CSGALNACT1: variants seen among roughly 807,000 people sequenced by gnomAD.
CSGALNACT1 encodes chondroitin sulfate N-acetylgalactosaminyltransferase 1.
A neutral mutation model predicts 51.0 loss-of-function variants in CSGALNACT1; 52 were observed. That is an observed-to-expected ratio of 1.02 (90% confidence interval 0.82 to 1.29). The LOEUF (loss-of-function observed/expected upper bound fraction) is 1.29, where lower values mean the gene tolerates loss of function less well. Ranked by LOEUF, CSGALNACT1 falls within the 50% of genes most tolerant of loss-of-function variation. The probability of loss-of-function intolerance (pLI) is 0.00; values close to 1 mark genes in which losing one functional copy is unlikely to be tolerated. For synonymous variants in CSGALNACT1, 341 were observed against 254.4 expected (o/e 1.34, Z -3.24); for missense variants, 935 against 679.2 (o/e 1.38, Z -4.19).
chr8:19,564,515 A>G (rs1447459302), intron 3 of CSGALNACT1, among the ~76,000 whole-genome samples: 1 of 152,008 alleles, frequency 6.6e-6, no homozygotes, highest in Non-Finnish European at 1.5e-5. Context: ...TTCCCACCAC[A>G]GGTTCCTCAG....
chr8:19,494,619 G>GT (rs2153971422), intron 4 of CSGALNACT1, among the ~76,000 whole-genome samples: 1 of 152,232 alleles, frequency 6.6e-6, no homozygotes, highest in African/African-American at 2.4e-5. Context: ...CAATCTCGAA[G>GT]CACAAATCTC....
intron 1 of CSGALNACT1, among the ~76,000 whole-genome samples, chr8:19,668,870 TG>T (rs904856708): frequency 6.6e-6 from 1 of 152,116 alleles, no homozygotes; most frequent in African/African-American, 2.4e-5. Flanking sequence ...TTATTTAAAA[TG>T]GGAAAATGGG....
intron 3 of CSGALNACT1, among the ~76,000 whole-genome samples, chr8:19,578,633 A>G (rs2044830267): frequency 6.6e-6 from 1 of 152,062 alleles, no homozygotes; most frequent in African/African-American, 2.4e-5. Context: ...TGTGTTAGAT[A>G]CTACTCTAAA....
At chr8:19,710,377 C>T (rs1473265612) in intron 1 of CSGALNACT1, among the ~76,000 whole-genome samples, 1 of 152,036 alleles carries the variant, frequency 6.6e-6, no homozygotes, top group African/African-American at 2.4e-5. Context: ...GCAGTGAAAT[C>T]ATCTGAAAAA....
intron 8 of CSGALNACT1, among the ~76,000 whole-genome samples, chr8:19,412,833 G>T (rs926486670): frequency 1.3e-5 from 2 of 151,950 alleles, no homozygotes; most frequent in Admixed American, 1.3e-4. Context: ...GGGGCCCCCA[G>T]CCCAGGCTGT....
At chr8:19,610,927 C>T (rs1011926216) in intron 1 of CSGALNACT1, among the ~76,000 whole-genome samples, 2 of 152,222 alleles carry the variant, frequency 1.3e-5, no homozygotes, top group African/African-American at 2.4e-5. Flanking sequence ...CTGCGGCTTC[C>T]GGAGCTGTCA....
At chr8:19,509,507 A>G (rs1047475060) in intron 3 of CSGALNACT1, among the ~76,000 whole-genome samples, 2 of 151,438 alleles carry the variant, frequency 1.3e-5, no homozygotes, top group African/African-American at 4.9e-5. Flanking sequence ...CTGTAATCCT[A>G]GCTAATGTGG....
intron 3 of CSGALNACT1, among the ~76,000 whole-genome samples, chr8:19,561,321 A>T (rs570966191): frequency 6.6e-6 from 1 of 152,348 alleles, no homozygotes; most frequent in South Asian, 2.1e-4. Flanking sequence ...TCTTATAATG[A>T]AAATGACAGA....
intron 4 of CSGALNACT1, among the ~76,000 whole-genome samples, chr8:19,478,733 C>A (rs2070514530): frequency 6.6e-6 from 1 of 152,178 alleles, no homozygotes; most frequent in Non-Finnish European, 1.5e-5. Context: ...CTGAATTGCT[C>A]CACTGCTATA....
At chr8:19,632,089 G>A (rs1198708881) in intron 1 of CSGALNACT1, among the ~76,000 whole-genome samples, 1 of 152,136 alleles carries the variant, frequency 6.6e-6, no homozygotes, top group African/African-American at 2.4e-5. Context: ...TAATACTTTT[G>A]ATGCTCATTA....
intron 6 of CSGALNACT1, among the ~76,000 whole-genome samples, chr8:19,421,239 AGT>A (rs149517355): frequency 0.019 from 2,852 of 152,332 alleles, 29 homozygotes; most frequent in Non-Finnish European, 0.031. Context: ...CAGTGCCAAG[AGT>A]ATACAGCACT....
chr8:19,744,752 G>T (rs976841184), intron 1 of CSGALNACT1, among the ~76,000 whole-genome samples: 2 of 152,178 alleles, frequency 1.3e-5, no homozygotes, highest in Non-Finnish European at 2.9e-5. Context: ...AATGTGATTT[G>T]TCTATTCACG....
At chr8:19,575,523 G>A (rs1416565981) in intron 3 of CSGALNACT1, among the ~76,000 whole-genome samples, 2 of 152,150 alleles carry the variant, frequency 1.3e-5, no homozygotes, top group East Asian at 1.9e-4. Flanking sequence ...ACTTTCAATA[G>A]GAAAAATAAT....
At chr8:19,590,640 CTTTTTTTTT>C (rs34859554) in intron 3 of CSGALNACT1, among the ~76,000 whole-genome samples, 9 of 68,982 alleles carry the variant, frequency 1.3e-4, no homozygotes, top group East Asian at 9.5e-4. Flanking sequence ...GACCTAACTA[CTTTTTTTTT>C]TTTTTTTTTT....
chr8:19,532,473 G>C (rs550530147), intron 3 of CSGALNACT1, among the ~76,000 whole-genome samples: 1 of 152,084 alleles, frequency 6.6e-6, no homozygotes, highest in Non-Finnish European at 1.5e-5. Flanking sequence ...CTCTGCTTTA[G>C]GTTCCTATCA....
chr8:19,412,349 G>A (rs1461051708), intron 8 of CSGALNACT1, among the ~76,000 whole-genome samples: 1 of 152,114 alleles, frequency 6.6e-6, no homozygotes, highest in Non-Finnish European at 1.5e-5. Flanking sequence ...TTTCTATTAG[G>A]ACCAAAACAC....
chr8:19,409,508 G>T (rs879328585), intron 8 of CSGALNACT1, among the ~76,000 whole-genome samples: 3,290 of 151,522 alleles, frequency 0.022, 126 homozygotes, highest in Admixed American at 0.11. Flanking sequence ...TATAGAGAGA[G>T]AGAGAGAGAG....
At chr8:19,599,516 G>GAAAGAAAC (rs2049891513) in intron 2 of CSGALNACT1, among the ~76,000 whole-genome samples, 1 of 119,198 alleles carries the variant, frequency 8.4e-6, no homozygotes, top group African/African-American at 3.1e-5. Flanking sequence ...AAGAAAGAAA[G>GAAAGAAAC]AAAGAAAGAA....
chr8:19,489,174 C>G (rs1404636884), intron 4 of CSGALNACT1, among the ~76,000 whole-genome samples: 1 of 150,058 alleles, frequency 6.7e-6, no homozygotes, highest in Non-Finnish European at 1.5e-5. Context: ...AAAAGTGAAT[C>G]CAGTGAGAAA....
Sources: gnomAD v4.1 joint callset for allele counts (sites outside exome capture counted in the v4.1 genomes callset) on GRCh38, gnomAD v4.1.1 for gene constraint, MANE v1.5 for transcripts, NCBI Gene and HGNC (gene_info 2026-07-23, HGNC 2026-07-21) for gene names.